Variants in ABI1 observed in about 807,000 individuals in gnomAD.
The protein encoded by ABI1 is abl interactor 1.
In ABI1, 14 loss-of-function variants were observed where a neutral mutation model predicts 54.6. That is an observed-to-expected ratio of 0.26 (90% CI 0.17 to 0.40). The LOEUF (loss-of-function observed/expected upper bound fraction) is 0.40. ABI1 is among the 10% of genes least tolerant of loss of function. ABI1 has a pLI of 1.00. For synonymous variants in ABI1, 194 were observed against 209.3 expected, an observed-to-expected ratio of 0.93 and a Z score of 0.63; for missense variants, 443 against 598.3, an observed-to-expected ratio of 0.74 and a Z score of 2.71.
chr10:26,768,754 A>T (rs1479780476), intron 6 of ABI1, 98 bp downstream of exon 6: 5 of 903,944 alleles, frequency 5.5e-6, no homozygotes, highest in African/African-American at 3.4e-5. Flanking sequence ...TTAGCATTAG[A>T]GTGGCACCTC....
chr10:26,787,584 A>ATAAAGCGGGTAGG (rs149217642), intron 2 of ABI1, among the ~76,000 whole-genome samples: 6,507 of 152,274 alleles, frequency 0.043, 336 homozygotes, highest in East Asian at 0.21. Flanking sequence ...GGGTGAGCAA[A>ATAAAGCGGGTAGG]AAAAAGGGAA....
Position 26,823,303 on chromosome 10 carries a change from A to T in ABI1, c.120T>A (p.Ala40=). The change falls in exon 2 of 11, where the codon GCT becomes GCA. Residue 40 remains alanine (A), a splice_region_variant and synonymous_variant. Coordinates refer to ENST00000376140, the MANE Select transcript of ABI1 (RefSeq NM_001012750.3). ...ADYCENNYIQ[A]TDKRKALEET... ...CCTCTAAAGCTTTTCTCTTGTCTGT[A>T]GCCTGAAATAAGAACAAAAACAACA... is the stretch of plus-strand genomic sequence containing the variant. 1 of 1,512,634 alleles carries T rather than the reference A, an allele frequency of 6.6e-7. No individual in the cohort carries two copies. Among genetic ancestry groups the T allele is most frequent in the Non-Finnish European group, 8.8e-7 (1 of 1,139,492 alleles). The allele number at this position is 1,512,634 out of a possible 1,614,324, so 93.7% of individuals were successfully genotyped here.
chr10:26,792,686 C>G (rs1431738601), intron 2 of ABI1, among the ~76,000 whole-genome samples: 1 of 151,888 alleles, frequency 6.6e-6, no homozygotes, highest in Non-Finnish European at 1.5e-5. Flanking sequence ...AACAAATGTT[C>G]TAAAGGAAAC....
intron 1 of ABI1, among the ~76,000 whole-genome samples, chr10:26,830,357 C>T (rs2048583515): frequency 6.6e-6 from 1 of 152,134 alleles, no homozygotes; most frequent in Non-Finnish European, 1.5e-5. Context: ...CATGGGGGCT[C>T]ATGACTGTAA....
rs1405589650 is a variant in ABI1, at chr10:26,765,271, C to A, written c.767G>T (p.Ser256Ile). Residue 256 changes from serine to isoleucine, a missense_variant, in exon 7 of 11, where the codon AGT (serine) becomes ATT (isoleucine). Ser to Ile is a moderately radical substitution (Grantham distance 142). Around this residue, in one of 2 missense-constraint regions of ABI1, gnomAD observed 394 missense variants for 484.8 expected, o/e 0.81. Coordinates refer to ENST00000376140, the MANE Select transcript of ABI1 (RefSeq NM_001012750.3). ...AGGCACAGCAATGGGAATGCCAATACTACTGCTACCACTGTTTTCTCGACT... is the reference window on the plus strand; with the variant it reads ...AGGCACAGCAATGGGAATGCCAATAATACTGCTACCACTGTTTTCTCGACT... Reference protein sequence around the residue: ...SGSRENSGSSSIGIPIAVPTP... With the variant: ...SGSRENSGSSIIGIPIAVPTP... 6.2e-7 allele frequency: 1 copy of A among 1,600,260 alleles called. No individual in the cohort carries two copies. The highest frequency in any genetic ancestry group is 8.5e-7 in the Non-Finnish European group (1 of 1,176,392).
intron 1 of ABI1, among the ~76,000 whole-genome samples, chr10:26,842,148 A>G (rs932240437): frequency 6.6e-6 from 1 of 152,174 alleles, no homozygotes; most frequent in Non-Finnish European, 1.5e-5. Flanking sequence ...GGTGACGCCC[A>G]CAGTGGTTTT....
intron 7 of ABI1, among the ~76,000 whole-genome samples, chr10:26,759,446 GAAAGCTGCA>G (rs1838817040): frequency 6.6e-6 from 1 of 151,968 alleles, no homozygotes; most frequent in African/African-American, 2.4e-5. Context: ...CAGCTGCATG[GAAAGCTGCA>G]AAAGTAAATA....
At chr10:26,757,098 T>C (rs1838414480) in intron 8 of ABI1, among the ~76,000 whole-genome samples, 1 of 152,136 alleles carries the variant, frequency 6.6e-6, no homozygotes, top group African/African-American at 2.4e-5. Flanking sequence ...CTAGCCATGC[T>C]GGTTAGTATG....
rs375349986 is a variant in ABI1 at position 26,816,285 on chromosome 10, C to T, written c.285+6853G>A. On this transcript the variant is annotated intron_variant, in intron 2 of 10. Coordinates refer to ENST00000376140, the MANE Select transcript of ABI1 (RefSeq NM_001012750.3). The stretch of plus-strand genomic sequence containing the variant: ...GAATTGAATGTAAATGGGATTAAAA[C>T]AGAAATAATGCATACAGGAATGCTA... Among the ~76,000 whole-genome samples, 4 of 152,138 alleles carry T rather than the reference C, an allele frequency of 2.6e-5. No homozygotes were observed. The East Asian group carries it at 7.7e-4, about 29-fold the overall frequency.
At position 26,770,790 on chromosome 10, in the gene ABI1, G is replaced by A. The variant is rs191632658; in HGVS notation, c.477+285C>T. 2.0e-5 allele frequency among the ~76,000 whole-genome samples: 3 copies of A among 152,250 alleles called. No individual in the cohort carries two copies. The East Asian group carries it at 5.8e-4, about 29-fold the overall frequency. On this transcript the variant is annotated intron_variant, in intron 4 of 10. Coordinates refer to ENST00000376140, the MANE Select transcript of ABI1 (RefSeq NM_001012750.3). ...ATGATGTCTGGGAAACCTCCTAATT[G>A]TAAGTCAATGAAAGCAAGGCAACTA...
rs1588987482 is a variant in ABI1 at position 26,823,282 on chromosome 10, T to C, written c.141A>G (p.Leu47=). The change falls in exon 2 of 11, where the codon TTA becomes TTG. Residue 47 remains leucine, a synonymous_variant. Transcript: ENST00000376140. ...GGGTTGTATAGGCTTTGGTCTCCTC[T>C]AAAGCTTTTCTCTTGTCTGTAGCCT... ...YIQATDKRKA[L]EETKAYTTQS... is the part of the protein sequence containing the mutation. 2 of 1,549,754 alleles carry C rather than the reference T, an allele frequency of 1.3e-6. No homozygotes were observed. Among genetic ancestry groups the C allele is most frequent in the Non-Finnish European group, 1.7e-6 (2 of 1,158,252 alleles).
intron 2 of ABI1, among the ~76,000 whole-genome samples, chr10:26,780,492 T>C (rs1841971637): frequency 6.6e-6 from 1 of 152,190 alleles, no homozygotes; most frequent in African/African-American, 2.4e-5. Context: ...TTGCACAGAA[T>C]ACAGGGTTTT....
chr10:26,826,222 T>C (rs528051384), intron 1 of ABI1, among the ~76,000 whole-genome samples: 14 of 152,306 alleles, frequency 9.2e-5, no homozygotes, highest in African/African-American at 3.4e-4. Flanking sequence ...GGCTGCAAAA[T>C]AAGTATGTGT....
chr10:26,746,647 T>C lies in ABI1; in HGVS notation c.*1923A>G, dbSNP rs1023281876. 3.2e-6 allele frequency: 2 copies of C among 628,280 alleles called. No individual in the cohort carries two copies. Among genetic ancestry groups the C allele is most frequent in the South Asian group, 1.9e-5 (1 of 53,182 alleles). The allele number at this position is 628,280 out of a possible 1,614,324, so 38.9% of individuals were successfully genotyped here. A position where few individuals can be genotyped will look rare whatever the true frequency, so the allele number is the denominator to read the frequency against. Reference sequence around the variant, plus strand: ...TGCAAAAGTTTTTTCAGAAAACTTTTTAAATGTAATTAATAAACCACCTGA... The same window carrying C: ...TGCAAAAGTTTTTTCAGAAAACTTTCTAAATGTAATTAATAAACCACCTGA... On this transcript the variant is annotated 3_prime_UTR_variant, in exon 11 of 11. Transcript: ENST00000376140.
intron 2 of ABI1, among the ~76,000 whole-genome samples, chr10:26,789,354 AAC>A (rs1843135674): frequency 6.6e-6 from 1 of 152,226 alleles, no homozygotes; most frequent in Non-Finnish European, 1.5e-5. Context: ...CAAAAAAATG[AAC>A]ATGTACAGGG....
intron 2 of ABI1, among the ~76,000 whole-genome samples, chr10:26,812,845 G>C (rs2047324454): frequency 1.3e-5 from 2 of 152,156 alleles, no homozygotes; most frequent in Non-Finnish European, 2.9e-5. Context: ...TCCAAATACA[G>C]TCACACTCTG....
intron 1 of ABI1, among the ~76,000 whole-genome samples, chr10:26,827,956 C>T (rs552851786): frequency 1.2e-3 from 184 of 152,324 alleles, no homozygotes; most frequent in African/African-American, 4.2e-3. Context: ...CCTTCAAGAA[C>T]TTTTCCTTTG....
chr10:26,790,071 T>C (rs573939466), intron 2 of ABI1, among the ~76,000 whole-genome samples: 1 of 152,364 alleles, frequency 6.6e-6, no homozygotes, highest in African/African-American at 2.4e-5. Context: ...TTTGCTATTG[T>C]GAATAGTGCT....
At chr10:26,772,361 A>C (rs1840797399) in intron 3 of ABI1, among the ~76,000 whole-genome samples, 1 of 152,142 alleles carries the variant, frequency 6.6e-6, no homozygotes, top group Admixed American at 6.5e-5. Flanking sequence ...TGTATATCTT[A>C]TAATGTATAT....
Sources: allele counts gnomAD v4.1 joint callset (sites outside exome capture counted in the v4.1 genomes callset), GRCh38; gene constraint gnomAD v4.1.1; regional missense constraint gnomAD v4.1.1; transcripts MANE v1.5; gene names NCBI Gene and HGNC (gene_info 2026-07-23, HGNC 2026-07-21).